Variants in PSMD12 observed in about 807,000 individuals in gnomAD.
The protein encoded by PSMD12 is 26S proteasome non-ATPase regulatory subunit 12.
A neutral mutation model predicts 62.9 loss-of-function variants in PSMD12; 8 were observed. That is an observed-to-expected ratio of 0.13 (90% CI 0.07 to 0.23). The LOEUF (loss-of-function observed/expected upper bound fraction) is 0.23. Among genes scored for constraint, PSMD12 ranks in the 10% least tolerant of loss-of-function variants. The pLI is 1.00. For missense variants in PSMD12, 424 were observed against 550.2 expected (o/e 0.77, Z 2.29); for synonymous variants, 173 against 187.4 (o/e 0.92, Z 0.63).
At position 67,339,881 on chromosome 17, in the gene PSMD12, C is replaced by G. The variant is rs149433785; in HGVS notation, c.*962G>C. 1.1e-3 allele frequency: 163 copies of G among 151,834 alleles called. No homozygotes were observed. The highest frequency in any genetic ancestry group is 3.8e-3 in the African/African-American group (157 of 41,428). 9.4% of individuals were successfully genotyped at this position (151,834 alleles called of 1,614,324 possible). On this transcript the variant is annotated 3_prime_UTR_variant, in exon 11 of 11. Coordinates refer to ENST00000356126, the MANE Select transcript of PSMD12 (RefSeq NM_002816.5). Reference sequence around the variant, plus strand: ...CTACACCACTTACTATGAGGGTGGCCTGACGTCTTTTTGCCATTTTTTTAA... The same window carrying G: ...CTACACCACTTACTATGAGGGTGGCGTGACGTCTTTTTGCCATTTTTTTAA...
At chr17:67,359,483 ATTTTT>A (rs1379584497) in intron 1 of PSMD12, among the ~76,000 whole-genome samples, 2 of 152,088 alleles carry the variant, frequency 1.3e-5, no homozygotes, top group Non-Finnish European at 2.9e-5. Flanking sequence ...CCAAAAATGA[ATTTTT>A]TTTATCTTAA....
intron 3 of PSMD12, among the ~76,000 whole-genome samples, chr17:67,354,001 T>C (rs1259041709): frequency 2.1e-5 from 3 of 141,962 alleles, no homozygotes; most frequent in Admixed American, 1.4e-4. Flanking sequence ...CTATGATTAC[T>C]TGTGACTTAC....
At chr17:67,351,537 T>C (rs898408077) in intron 3 of PSMD12, among the ~76,000 whole-genome samples, 1 of 151,874 alleles carries the variant, frequency 6.6e-6, no homozygotes, top group Non-Finnish European at 1.5e-5. Context: ...ACGAAAAACA[T>C]TTAATGTTTA....
At position 67,357,254 on chromosome 17, in the gene PSMD12, T is replaced by C. The variant is rs375874123; in HGVS notation, c.297+49A>G. 6.1e-5 allele frequency: 95 copies of C among 1,567,562 alleles called. No homozygotes were observed. The African/African-American group carries it at 1.2e-3, about 20-fold the overall frequency. On this transcript the variant is annotated intron_variant, in intron 3 of 10. Transcript: ENST00000356126. ...TTATAGAAGAGCTTGTGAAAAGTTCTGAAATACAAATGCTTTTGTGTTTGG... is the reference window on the plus strand; with the variant it reads ...TTATAGAAGAGCTTGTGAAAAGTTCCGAAATACAAATGCTTTTGTGTTTGG...
In PSMD12 at chr17:67,338,460, G is replaced by A. The variant is rs1366187779; in HGVS notation, c.*2383C>T. On this transcript the variant is annotated 3_prime_UTR_variant, in exon 11 of 11. Coordinates refer to ENST00000356126, the MANE Select transcript of PSMD12 (RefSeq NM_002816.5). Reference sequence around the variant, plus strand: ...GTTTGACAGGAAAAAACACGAAATGGATGAACAGCTGATCGAGTCGAGTGC... The same window carrying A: ...GTTTGACAGGAAAAAACACGAAATGAATGAACAGCTGATCGAGTCGAGTGC... The A allele has an allele frequency of 6.6e-6, 1 of 152,228 alleles. No individual in the cohort carries two copies. 9.4% of individuals were successfully genotyped at this position (152,228 alleles called of 1,614,324 possible). A position where few individuals can be genotyped will look rare whatever the true frequency, so the allele number is the denominator to read the frequency against.
In PSMD12 at chr17:67,347,237, T is replaced by G; in HGVS notation, c.674A>C (p.Lys225Thr). 9 of 1,613,314 alleles carry G rather than the reference T, an allele frequency of 5.6e-6. No individual in the cohort carries two copies. The highest frequency in any genetic ancestry group is 7.6e-6 in the Non-Finnish European group (9 of 1,179,760). ...QEENTEKLKL[K>T]YYNLMIQLDQ... Reference sequence around the variant, plus strand: ...CAGCTGAATCATTAAATTATAGTACTTCAACTTTAATTTCTGCAAAAAAGT... The same window carrying G: ...CAGCTGAATCATTAAATTATAGTACGTCAACTTTAATTTCTGCAAAAAAGT... The change falls in exon 7 of 11, where the codon AAG becomes ACG. Residue 225 changes from lysine (K) to threonine (T), a missense_variant. Transcript: ENST00000356126.
At chr17:67,346,350 G>GCGCCA (rs1216760077) in intron 7 of PSMD12, among the ~76,000 whole-genome samples, 3 of 151,432 alleles carry the variant, frequency 2.0e-5, no homozygotes, top group Admixed American at 2.0e-4. Context: ...AGCCGAGATT[G>GCGCCA]CGCCACTGCA....
chr17:67,365,118 G>C (rs2042167085), intron 1 of PSMD12, among the ~76,000 whole-genome samples: 1 of 151,618 alleles, frequency 6.6e-6, no homozygotes, highest in Non-Finnish European at 1.5e-5. Context: ...CGGGAGGCGG[G>C]GGTTGCAGTC....
Position 67,347,360 on chromosome 17 carries a change from T to C in PSMD12, c.636A>G (p.Lys212=). Residue 212 remains lysine (K), a synonymous_variant, in exon 6 of 11, where the codon AAA becomes AAG. Coordinates refer to ENST00000356126, the MANE Select transcript of PSMD12 (RefSeq NM_002816.5). ...CCTCTGTATTTTCTTCCTGGAAAAATTTGGTGTTAATTTTCTTGCTGATGA... is the reference window on the plus strand; with the variant it reads ...CCTCTGTATTTTCTTCCTGGAAAAACTTGGTGTTAATTTTCTTGCTGATGA... ...TQIISKKINT[K]FFQEENTEKL... 1.9e-6 allele frequency: 3 copies of C among 1,613,884 alleles called. No homozygotes were observed. The highest frequency in any genetic ancestry group is 2.5e-6 in the Non-Finnish European group (3 of 1,179,932).
Position 67,340,673 on chromosome 17 carries a change from G to A in PSMD12, c.*170C>T. On this transcript the variant is annotated 3_prime_UTR_variant, in exon 11 of 11. Transcript: ENST00000356126. Reference sequence around the variant, plus strand: ...TTTTTGCACCAATTGCAAATGCAAAGTTAACAATGAACTTGGGGAACTGAA... The same window carrying A: ...TTTTTGCACCAATTGCAAATGCAAAATTAACAATGAACTTGGGGAACTGAA... 1 of 486,572 alleles carries A rather than the reference G, an allele frequency of 2.1e-6. No individual in the cohort carries two copies. The highest frequency in any genetic ancestry group is 3.4e-6 in the Non-Finnish European group (1 of 291,282). The allele number at this position is 486,572 out of a possible 1,614,324, so 30.1% of individuals were successfully genotyped here.
rs200652103 is a variant in PSMD12 at position 67,348,528 on chromosome 17, A to G, written c.510+22T>C. The G allele has an allele frequency of 4.0e-5, 64 of 1,584,764 alleles. No homozygotes were observed. In the East Asian group the frequency reaches 1.4e-3, roughly 35 times the overall value. On this transcript the variant is annotated intron_variant, in intron 5 of 10. Transcript: ENST00000356126. ...CTGCTGACAAAACAAAGTTTTACCA[A>G]CTCTAAAATGCAATACCTTACCTGT...
At chr17:67,351,187 C>G (rs1459680311) in intron 3 of PSMD12, among the ~76,000 whole-genome samples, 1 of 151,840 alleles carries the variant, frequency 6.6e-6, no homozygotes, top group African/African-American at 2.4e-5. Flanking sequence ...GTCAGGAGAT[C>G]GAGACCAACC....
At chr17:67,365,824 G>C (rs2042173550) in intron 1 of PSMD12, among the ~76,000 whole-genome samples, 1 of 151,934 alleles carries the variant, frequency 6.6e-6, no homozygotes, top group South Asian at 2.1e-4. Flanking sequence ...GCACCATTAA[G>C]AATGCATAGC....
intron 1 of PSMD12, among the ~76,000 whole-genome samples, chr17:67,362,033 G>A (rs553221981): frequency 8.6e-5 from 13 of 151,688 alleles, no homozygotes; most frequent in South Asian, 2.1e-4. Context: ...CAAGGTCATC[G>A]CCAAGATCTG....
In PSMD12 at chr17:67,366,466, C is replaced by G. The variant is rs142927541; in HGVS notation, c.54G>C (p.Val18=). ...RADGRIVKME[V]DYSATVDQRL... ...GCTGATCCACCGTGGCGCTGTAGTCCACCTCCATCTTGACGATGCGCCCGT... is the reference window on the plus strand; with the variant it reads ...GCTGATCCACCGTGGCGCTGTAGTCGACCTCCATCTTGACGATGCGCCCGT... Residue 18 remains valine, a synonymous_variant, in exon 1 of 11, where the codon GTG becomes GTC. Coordinates refer to ENST00000356126, the MANE Select transcript of PSMD12 (RefSeq NM_002816.5). The G allele has an allele frequency of 2.5e-6, 4 of 1,612,054 alleles. No individual in the cohort carries two copies. The African/African-American group carries it at 5.3e-5, about 22-fold the overall frequency.
intron 3 of PSMD12, among the ~76,000 whole-genome samples, chr17:67,353,402 G>T (rs1237472041): frequency 2.0e-5 from 3 of 151,886 alleles, no homozygotes; most frequent in African/African-American, 7.3e-5. Flanking sequence ...CGCCTCCTGG[G>T]GTTCAAGCGA....
At chr17:67,348,757 G>A (rs751852621) in intron 4 of PSMD12, 103 bp from the exon 5 acceptor site, 8 of 935,522 alleles carry the variant, frequency 8.6e-6, no homozygotes, top group African/African-American at 1.7e-5. Context: ...TGACATTTTG[G>A]AAGGCTGAGG....
intron 1 of PSMD12, among the ~76,000 whole-genome samples, chr17:67,357,924 T>C (rs1466959329): frequency 2.4e-5 from 3 of 125,000 alleles, no homozygotes; most frequent in Admixed American, 2.4e-4. Context: ...CTGTTTATCT[T>C]GTTCTTTTTT....
In PSMD12 at chr17:67,339,967, G is replaced by T. The variant is rs931268837; in HGVS notation, c.*876C>A. 6.7e-6 allele frequency: 1 copy of T among 150,260 alleles called. No individual in the cohort carries two copies. Among genetic ancestry groups the T allele is most frequent in the African/African-American group, 2.4e-5 (1 of 40,852 alleles). 9.3% of individuals were successfully genotyped at this position (150,260 alleles called of 1,614,324 possible). ...TAATGGAACTAAAAGTTCCTACAGA[G>T]ATAATGAATTTGGAACAATAATGAT... On this transcript the variant is annotated 3_prime_UTR_variant, in exon 11 of 11. Transcript: ENST00000356126.
Sources: gnomAD v4.1 joint callset for allele counts (sites outside exome capture counted in the v4.1 genomes callset) on GRCh38, gnomAD v4.1.1 for gene constraint, MANE v1.5 for transcripts, NCBI Gene and HGNC (gene_info 2026-07-23, HGNC 2026-07-21) for gene names.